PDE4B: variants seen among roughly 807,000 people sequenced by gnomAD.
The protein encoded by PDE4B is phosphodiesterase 4B, also known as 3',5'-cyclic-AMP phosphodiesterase 4B.
PDE4B carries 20 observed loss-of-function variants against 82.2 expected under a neutral mutation model. The ratio of observed to expected loss-of-function variants is 0.24; its 90% CI spans 0.17 to 0.35. The LOEUF is 0.35. PDE4B is among the 10% of genes least tolerant of loss of function. The pLI, the probability that PDE4B is intolerant of heterozygous loss-of-function variation, is 1.00. For synonymous variants in PDE4B, 320 were observed against 318.9 expected (o/e 1.00, Z -0.04); for missense variants, 655 against 907.2 (o/e 0.72, Z 3.57).
At chr1:65,935,097 A>T (rs1648053514) in intron 3 of PDE4B, among the ~76,000 whole-genome samples, 1 of 152,234 alleles carries the variant, frequency 6.6e-6, no homozygotes. Flanking sequence ...TCTAGGATAC[A>T]TCACATGTCA....
intron 1 of PDE4B, among the ~76,000 whole-genome samples, chr1:65,836,281 C>T (rs969781076): frequency 6.6e-6 from 1 of 152,144 alleles, no homozygotes; most frequent in Non-Finnish European, 1.5e-5. Flanking sequence ...ATACATTCTC[C>T]AACTCACCGC....
chr1:66,009,325 C>T (rs1310758537), intron 3 of PDE4B, among the ~76,000 whole-genome samples: 1 of 152,194 alleles, frequency 6.6e-6, no homozygotes, highest in African/African-American at 2.4e-5. Context: ...ATCCAAGTAA[C>T]CATTACCTCA....
At chr1:65,905,794 T>C (rs1036349893) in intron 1 of PDE4B, among the ~76,000 whole-genome samples, 4 of 152,132 alleles carry the variant, frequency 2.6e-5, no homozygotes, top group Admixed American at 2.6e-4. Context: ...CTGTTGCACT[T>C]CTCACACTGC....
chr1:65,926,755 A>T lies in PDE4B; in HGVS notation c.281+7920A>T, dbSNP rs144545343. ...TTGCTACTTGATCTAGGTATTGTTA[A>T]TTATCCACGGATGAGGATAAATAAC... is the stretch of plus-strand genomic sequence containing the variant. On this transcript the variant is annotated intron_variant, in intron 3 of 16. Transcript: ENST00000341517. Among the ~76,000 whole-genome samples the T allele has an allele frequency of 3.2e-3, 487 of 151,146 alleles. 4 individuals carry two copies. The highest frequency in any genetic ancestry group is 0.011 in the African/African-American group (452 of 41,418).
intron 7 of PDE4B, among the ~76,000 whole-genome samples, chr1:66,309,829 G>A (rs1020710607): frequency 7.2e-5 from 11 of 152,056 alleles, no homozygotes; most frequent in Non-Finnish European, 1.0e-4. Context: ...AAATAGTGTC[G>A]GTTACCATAA....
rs1570674547 is a variant in PDE4B at position 66,313,812 on chromosome 1, C to A, written c.635-18696C>A. 1.3e-5 allele frequency among the ~76,000 whole-genome samples: 2 copies of A among 152,172 alleles called. 1 individual carries two copies. Among genetic ancestry groups the A allele is most frequent in the East Asian group, 3.9e-4 (2 of 5,194 alleles). Reference sequence around the variant, plus strand: ...CTTTCTTCAGGAACCAATGAGAAGGCAGCACAGTGGCCTGGAGAGTTGTAA... The same window carrying A: ...CTTTCTTCAGGAACCAATGAGAAGGAAGCACAGTGGCCTGGAGAGTTGTAA... On this transcript the variant is annotated intron_variant, in intron 7 of 16. Transcript: ENST00000341517.
In PDE4B at chr1:65,834,896, C is replaced by G. The variant is rs527979362; in HGVS notation, c.-71+41648C>G. Among the ~76,000 whole-genome samples, 4 of 152,230 alleles carry G rather than the reference C, an allele frequency of 2.6e-5. No homozygotes were observed. The East Asian group carries it at 7.7e-4, about 29-fold the overall frequency. On this transcript the variant is annotated intron_variant, in intron 1 of 16. Coordinates refer to ENST00000341517, the MANE Select transcript of PDE4B (RefSeq NM_002600.4). ...AGTTATGGTGCAAATAATTACATCA[C>G]AGGAATCATCAAACTCTGTAAATCA...
intron 3 of PDE4B, among the ~76,000 whole-genome samples, chr1:65,948,627 A>G (rs1000886249): frequency 7.2e-5 from 11 of 152,000 alleles, no homozygotes; most frequent in African/African-American, 2.4e-4. Flanking sequence ...TCCTTTGGCA[A>G]CACCCTCACA....
At chr1:65,990,426 T>G (rs559688095) in intron 3 of PDE4B, among the ~76,000 whole-genome samples, 16 of 151,704 alleles carry the variant, frequency 1.1e-4, no homozygotes, top group East Asian at 9.6e-4. Flanking sequence ...ATTGCTGGGG[T>G]TTTTTTTGCC....
chr1:66,135,693 G>A (rs1646042588), intron 3 of PDE4B, among the ~76,000 whole-genome samples: 1 of 152,176 alleles, frequency 6.6e-6, no homozygotes, highest in Non-Finnish European at 1.5e-5. Flanking sequence ...ATGAACCTCA[G>A]AGAAGAGATC....
At chr1:66,351,292 G>A (rs1661798779) in intron 8 of PDE4B, among the ~76,000 whole-genome samples, 1 of 152,170 alleles carries the variant, frequency 6.6e-6, no homozygotes, top group Non-Finnish European at 1.5e-5. Context: ...TACATGAGAT[G>A]GTAGAGACAC....
chr1:65,842,804 A>G (rs1416131056), intron 1 of PDE4B, among the ~76,000 whole-genome samples: 2 of 152,158 alleles, frequency 1.3e-5, no homozygotes, highest in African/African-American at 4.8e-5. Flanking sequence ...TTTTCAAATC[A>G]CTATGTTACA....
At chr1:66,254,827 G>T (rs997253728) in intron 4 of PDE4B, among the ~76,000 whole-genome samples, 1 of 152,030 alleles carries the variant, frequency 6.6e-6, no homozygotes, top group Non-Finnish European at 1.5e-5. Context: ...TCCCTTTCTT[G>T]ACATTACCTA....
chr1:66,239,783 A>G (rs957580195), intron 3 of PDE4B, among the ~76,000 whole-genome samples: 10 of 152,270 alleles, frequency 6.6e-5, no homozygotes, highest in African/African-American at 2.4e-4. Flanking sequence ...CAATTTCAGT[A>G]GAGAAACTAA....
intron 3 of PDE4B, among the ~76,000 whole-genome samples, chr1:66,004,684 A>G (rs1652049372): frequency 6.6e-6 from 1 of 152,070 alleles, no homozygotes; most frequent in Non-Finnish European, 1.5e-5. Context: ...ACATCTCTGA[A>G]GTTGTTTTCC....
chr1:66,274,140 C>A (rs907767087), intron 7 of PDE4B, among the ~76,000 whole-genome samples: 8 of 151,476 alleles, frequency 5.3e-5, no homozygotes, highest in Non-Finnish European at 1.0e-4. Context: ...CTGAGACTCA[C>A]TTTTCTTGTC....
chr1:66,217,275 G>A (rs1358504337), intron 3 of PDE4B, among the ~76,000 whole-genome samples: 5 of 152,086 alleles, frequency 3.3e-5, no homozygotes, highest in African/African-American at 1.2e-4. Context: ...GGCTGGGATT[G>A]TAAATGACAC....
chr1:66,353,829 G>A (rs1332270477), intron 8 of PDE4B, among the ~76,000 whole-genome samples: 1 of 152,150 alleles, frequency 6.6e-6, no homozygotes, highest in East Asian at 1.9e-4. Flanking sequence ...GTTAGAAGAT[G>A]TAACACTAAA....
At chr1:66,299,413 A>T (rs2101833588) in intron 7 of PDE4B, among the ~76,000 whole-genome samples, 2 of 152,276 alleles carry the variant, frequency 1.3e-5, no homozygotes, top group African/African-American at 4.8e-5. Context: ...CCTTTTCATG[A>T]GTGAATAGCA....
Sources: allele counts gnomAD v4.1 joint callset (sites outside exome capture counted in the v4.1 genomes callset), GRCh38; gene constraint gnomAD v4.1.1; transcripts MANE v1.5; gene names NCBI Gene and HGNC (gene_info 2026-07-23, HGNC 2026-07-21).